CRY2: variants seen among roughly 807,000 people sequenced by gnomAD.
CRY2 encodes the protein cryptochrome circadian regulator 2, also known as cryptochrome-2.
In CRY2, 31 loss-of-function variants were observed where a neutral mutation model predicts 69.5. That is an observed-to-expected ratio of 0.45 (90% confidence interval 0.34 to 0.60). The LOEUF is 0.60. CRY2 is among the 20% of genes least tolerant of loss of function. The pLI is 0.02. For synonymous variants in CRY2, 303 were observed against 312.2 expected (o/e 0.97, Z 0.31); for missense variants, 606 against 797.8 (o/e 0.76, Z 2.90).
chr11:45,848,080 A>G (rs1374852901), intron 1 of CRY2, among the ~76,000 whole-genome samples: 1 of 152,108 alleles, frequency 6.6e-6, no homozygotes, highest in African/African-American at 2.4e-5. Context: ...GGAGGGGCGG[A>G]AGGGAGATAA....
At chr11:45,848,697 G>C (rs1308289998) in intron 1 of CRY2, among the ~76,000 whole-genome samples, 1 of 152,176 alleles carries the variant, frequency 6.6e-6, no homozygotes. Context: ...AGTGGCAGTC[G>C]CTCGGTTTGT....
chr11:45,879,451 T>C (rs530010199), intron 11 of CRY2, among the ~76,000 whole-genome samples: 1 of 152,234 alleles, frequency 6.6e-6, no homozygotes, highest in African/African-American at 2.4e-5. Flanking sequence ...TTAATTCACA[T>C]GTATGTCTGT....
chr11:45,851,294 C>T (rs980630126), intron 1 of CRY2, among the ~76,000 whole-genome samples: 2 of 152,238 alleles, frequency 1.3e-5, no homozygotes, highest in Non-Finnish European at 2.9e-5. Context: ...TGCTGCGCCT[C>T]TTTCAGGAGC....
chr11:45,848,682 C>T (rs543033293), intron 1 of CRY2, among the ~76,000 whole-genome samples: 6 of 152,358 alleles, frequency 3.9e-5, no homozygotes, highest in Admixed American at 3.3e-4. Flanking sequence ...CTCTTCAGAA[C>T]ACCTAGTGGC....
Position 45,869,601 on chromosome 11 carries a change from C to G in CRY2, c.978C>G (p.Asp326Glu). 1 of 1,614,270 alleles carries G rather than the reference C, an allele frequency of 6.2e-7. No homozygotes were observed. Among genetic ancestry groups the G allele is most frequent in the Non-Finnish European group, 8.5e-7 (1 of 1,180,048 alleles). Residue 326 changes from aspartate (D) to glutamate (E), a missense_variant, in exon 7 of 12, where the codon GAC becomes GAG. Physicochemically the swap from Asp to Glu is conservative, Grantham distance 45 (BLOSUM62 2). This residue lies in a region of CRY2 where 382 missense variants were observed against 508.9 expected (regional missense o/e 0.75). Coordinates refer to ENST00000616080, the MANE Select transcript of CRY2 (RefSeq NM_021117.5). ...CAGCTACCAACAACCCCAGGTTTGA[C>G]CGCATGGAGGGGAACCCCATCTGCA... ...YTAATNNPRFDRMEGNPICIQ... is the reference protein window; with the variant it reads ...YTAATNNPRFERMEGNPICIQ...
At position 45,856,069 on chromosome 11, in the gene CRY2, C is replaced by T. The variant is rs767821278; in HGVS notation, c.303C>T (p.Asp101=). 3 of 1,614,070 alleles carry T rather than the reference C, an allele frequency of 1.9e-6. No homozygotes were observed. The highest frequency in any genetic ancestry group is 1.3e-5 in the African/African-American group (1 of 75,050). ...TTGTAGTCCGGGGACAGCCAGCCGACGTGTTCCCAAGGCTGTTCAAGGTAA... is the reference window on the plus strand; with the variant it reads ...TTGTAGTCCGGGGACAGCCAGCCGATGTGTTCCCAAGGCTGTTCAAGGTAA... ...RLFVVRGQPA[D]VFPRLFKEWG... The change falls in exon 2 of 12, where the codon GAC becomes GAT. Residue 101 remains aspartate (D), a synonymous_variant. Transcript: ENST00000616080.
chr11:45,879,742 G>T (rs751221104), intron 11 of CRY2, among the ~76,000 whole-genome samples: 5 of 152,202 alleles, frequency 3.3e-5, no homozygotes, highest in African/African-American at 4.8e-5. Flanking sequence ...TGCTCAGGCT[G>T]CCATGACAAA....
intron 4 of CRY2, chr11:45,861,566 T>C (rs539166611): frequency 1.7e-5 from 3 of 172,296 alleles, no homozygotes; most frequent in South Asian, 1.4e-4. Context: ...CCCAGCCTCC[T>C]GAGTAGCTGG....
At chr11:45,871,048 G>C in intron 10 of CRY2, 114 bp downstream of exon 10, 2 of 822,210 alleles carry the variant, frequency 2.4e-6, no homozygotes, top group East Asian at 5.4e-5. Flanking sequence ...ATTCCACCTG[G>C]GGCAGTCAGA....
rs1038860426 is a variant in CRY2, at chr11:45,881,883, C to G, written c.*972C>G. 1 of 152,308 alleles carries G rather than the reference C, an allele frequency of 6.6e-6. No individual in the cohort carries two copies. Among genetic ancestry groups the G allele is most frequent in the Non-Finnish European group, 1.5e-5 (1 of 68,106 alleles). 9.4% of individuals were successfully genotyped at this position (152,308 alleles called of 1,614,324 possible). A position where few individuals can be genotyped will look rare whatever the true frequency, so the allele number is the denominator to read the frequency against. Reference sequence around the variant, plus strand: ...CCAGTGAGGACAGCTGACACCCAGCCAGGGAAACCATTCTAGTCTTTATTC... The same window carrying G: ...CCAGTGAGGACAGCTGACACCCAGCGAGGGAAACCATTCTAGTCTTTATTC... On this transcript the variant is annotated 3_prime_UTR_variant, in exon 12 of 12. Transcript: ENST00000616080.
chr11:45,848,880 AG>A (rs935746653), intron 1 of CRY2, among the ~76,000 whole-genome samples: 7 of 152,162 alleles, frequency 4.6e-5, no homozygotes, highest in African/African-American at 1.4e-4. Flanking sequence ...CCTGCCCAGA[AG>A]GAACAACTAA....
At chr11:45,871,381 A>G (rs1565063080) in intron 10 of CRY2, among the ~76,000 whole-genome samples, 1 of 152,184 alleles carries the variant, frequency 6.6e-6, no homozygotes, top group South Asian at 2.1e-4. Flanking sequence ...AGATGAGGAC[A>G]AGATACAGCA....
chr11:45,848,089 A>G (rs1448946037), intron 1 of CRY2, among the ~76,000 whole-genome samples: 1 of 152,098 alleles, frequency 6.6e-6, no homozygotes, highest in Non-Finnish European at 1.5e-5. Context: ...GAAGGGAGAT[A>G]ACGTAGTGTG....
chr11:45,874,984 A>G (rs768069361), intron 11 of CRY2, among the ~76,000 whole-genome samples: 25 of 152,228 alleles, frequency 1.6e-4, no homozygotes, highest in Non-Finnish European at 3.2e-4. Flanking sequence ...TATGAAAACA[A>G]TAAAATAAAG....
At chr11:45,861,987 T>A in intron 4 of CRY2, 73 bp from the exon 5 acceptor site, 2 of 1,296,772 alleles carry the variant, frequency 1.5e-6, no homozygotes, top group Non-Finnish European at 1.1e-6. Context: ...AAAGTTCAAA[T>A]AACAGAACAG....
At chr11:45,865,874 G>A (rs746223063) in intron 5 of CRY2, among the ~76,000 whole-genome samples, 2 of 152,226 alleles carry the variant, frequency 1.3e-5, no homozygotes, top group Non-Finnish European at 2.9e-5. Flanking sequence ...CGAGCAACAG[G>A]CATTACATTA....
intron 11 of CRY2, 117 bp downstream of exon 11, chr11:45,872,350 C>T (rs1448421421): frequency 3.2e-6 from 3 of 930,514 alleles, no homozygotes; most frequent in East Asian, 2.5e-5. Flanking sequence ...GGTGGGACCA[C>T]CCAATGCTCA....
rs763171722 is a variant in CRY2, at chr11:45,869,646, C to A, written c.1023C>A (p.Arg341=). The A allele has an allele frequency of 1.2e-6, 2 of 1,614,258 alleles. No individual in the cohort carries two copies. The highest frequency in any genetic ancestry group is 3.3e-5 in the Admixed American group (2 of 60,032). ...TCTGCATCCAGATCCCCTGGGACCGCAATCCTGAGGCCCTGGCCAAGTGGG... is the reference window on the plus strand; with the variant it reads ...TCTGCATCCAGATCCCCTGGGACCGAAATCCTGAGGCCCTGGCCAAGTGGG... ...NPICIQIPWD[R]NPEALAKWAE... is the part of the protein sequence containing the mutation. The change falls in exon 7 of 12, where the codon CGC becomes CGA. Residue 341 remains arginine, a synonymous_variant. Transcript: ENST00000616080.
intron 5 of CRY2, among the ~76,000 whole-genome samples, chr11:45,863,358 G>T (rs573141648): frequency 6.6e-6 from 1 of 152,216 alleles, no homozygotes; most frequent in South Asian, 2.1e-4. Context: ...AGAACATTTT[G>T]TAGAAGGATG....
Sources: gnomAD v4.1 joint callset for allele counts (sites outside exome capture counted in the v4.1 genomes callset) on GRCh38, gnomAD v4.1.1 for gene constraint, gnomAD v4.1.1 regional missense constraint, MANE v1.5 for transcripts, NCBI Gene and HGNC (gene_info 2026-07-23, HGNC 2026-07-21) for gene names.